Variants in C2CD2L observed in about 807,000 individuals in gnomAD.
C2CD2L encodes the protein C2CD2 like.
A neutral mutation model predicts 69.9 loss-of-function variants in C2CD2L; 24 were observed. That is an observed-to-expected ratio of 0.34 (90% CI 0.25 to 0.48). The LOEUF (loss-of-function observed/expected upper bound fraction) is 0.48, where lower values mean the gene tolerates loss of function less well. Ranked by LOEUF, C2CD2L falls within the 20% of genes least tolerant of loss-of-function variation. The probability of loss-of-function intolerance (pLI) is 0.99; values close to 1 mark genes in which losing one functional copy is unlikely to be tolerated. For synonymous variants in C2CD2L, 367 were observed against 391.0 expected, an observed-to-expected ratio of 0.94 and a Z score of 0.72; for missense variants, 811 against 941.5, an observed-to-expected ratio of 0.86 and a Z score of 1.81.
chr11:119,104,517 T>C (rs79617988), upstream of C2CD2L, among the ~76,000 whole-genome samples: 1,759 of 152,334 alleles, frequency 0.012, 44 homozygotes, highest in African/African-American at 0.041. Flanking sequence ...TTTGTTCCCA[T>C]GATGATAAAG....
rs1309990348 is a variant in C2CD2L, at chr11:119,117,411, T to A, written c.*1155T>A. 1 of 152,256 alleles carries A rather than the reference T, an allele frequency of 6.6e-6. No individual in the cohort carries two copies. The highest frequency in any genetic ancestry group is 2.4e-5 in the African/African-American group (1 of 41,446). 9.4% of individuals were successfully genotyped at this position (152,256 alleles called of 1,614,324 possible). A position where few individuals can be genotyped will look rare whatever the true frequency, so the allele number is the denominator to read the frequency against. On this transcript the variant is annotated 3_prime_UTR_variant, in exon 14 of 14. Transcript: ENST00000648610. ...TCTAGGATGTAATGGAGATCAAAGCTTGGACCCTGTAACTAGACTGCCTGC... is the reference window on the plus strand; with the variant it reads ...TCTAGGATGTAATGGAGATCAAAGCATGGACCCTGTAACTAGACTGCCTGC...
Position 119,108,048 on chromosome 11 carries a change from C to A in C2CD2L, c.307C>A (p.Gln103Lys), listed in dbSNP as rs1432691024. ...CTTCAAGTCTTTCCGGGAGAACTGG[C>A]AGCGGGCTTGGGTGCGAGCGCTGAA... is the stretch of plus-strand genomic sequence containing the variant. ...FAFKSFRENW[Q>K]RAWVRALNEQ... The change falls in exon 1 of 14, where the codon CAG becomes AAG. Residue 103 changes from glutamine to lysine, a missense_variant. Transcript: ENST00000648610. The A allele has an allele frequency of 1.9e-6, 3 of 1,599,922 alleles. No individual in the cohort carries two copies. The highest frequency in any genetic ancestry group is 2.6e-6 in the Non-Finnish European group (3 of 1,174,450).
chr11:119,110,125 G>A lies in C2CD2L; in HGVS notation c.376G>A (p.Glu126Lys). ...RNGSSIQIAF[E>K]EVPQLPPRAS... Reference sequence around the variant, plus strand: ...TCAGAGCTCCATCCAAATCGCCTTTGAGGAGGTGCCCCAACTCCCACCCAG... The same window carrying A: ...TCAGAGCTCCATCCAAATCGCCTTTAAGGAGGTGCCCCAACTCCCACCCAG... Residue 126 changes from glutamate (E) to lysine (K), a missense_variant, in exon 2 of 14, where the codon GAG becomes AAG. By Grantham distance (56) the Glu-to-Lys change is moderately conservative. Transcript: ENST00000648610. This position sits in a 1 kb window ranked among gnomAD's most constrained non-coding sequence, Gnocchi z 5.7. The A allele has an allele frequency of 6.2e-7, 1 of 1,613,714 alleles. No homozygotes were observed. The highest frequency in any genetic ancestry group is 8.5e-7 in the Non-Finnish European group (1 of 1,179,612).
chr11:119,113,758 C>T, intron 11 of C2CD2L, 46 bp downstream of exon 11: 9 of 1,612,760 alleles, frequency 5.6e-6, no homozygotes, highest in Non-Finnish European at 7.6e-6. Flanking sequence ...CCCTGGTGCC[C>T]CAGCATCAAA....
upstream of C2CD2L, among the ~76,000 whole-genome samples, chr11:119,105,623 G>A (rs1328558906): frequency 1.4e-5 from 2 of 145,508 alleles, no homozygotes; most frequent in Non-Finnish European, 3.0e-5. Flanking sequence ...CTGGGCAACA[G>A]TGACTTTCTG....
At position 119,110,497 on chromosome 11, in the gene C2CD2L, A is replaced by G; in HGVS notation, c.451-64A>G. ...GTGGGGAGGGGTCTGCTGAACTATT[A>G]CAGGGCAGTTCAAAGCAGGGTGAGC... is the stretch of plus-strand genomic sequence containing the variant. On this transcript the variant is annotated intron_variant, in intron 2 of 13. Coordinates refer to ENST00000648610, the MANE Select transcript of C2CD2L (RefSeq NM_001290474.2). This position sits in a 1 kb window ranked among gnomAD's most constrained non-coding sequence, Gnocchi z 5.7. The G allele has an allele frequency of 1.3e-6, 2 of 1,561,428 alleles. No homozygotes were observed. The highest frequency in any genetic ancestry group is 8.6e-7 in the Non-Finnish European group (1 of 1,156,772).
At chr11:119,102,627 C>G (rs1184283775), upstream of C2CD2L, among the ~76,000 whole-genome samples, 1 of 151,926 alleles carries the variant, frequency 6.6e-6, no homozygotes, top group Admixed American at 6.6e-5. Flanking sequence ...TCAGCTTGGC[C>G]GTGGATCACT....
rs1426520536 is a variant in C2CD2L, at chr11:119,113,849, T to C, written c.1490-6T>C. ...TCAGGTTATTCATTCTCTGCACCCC[T>C]AGCAGGGGACAGCCACCTTTCCAAC... On this transcript the variant is annotated splice_polypyrimidine_tract_variant and splice_region_variant and intron_variant, in intron 11 of 13. Coordinates refer to ENST00000648610, the MANE Select transcript of C2CD2L (RefSeq NM_001290474.2). 1.2e-5 allele frequency: 19 copies of C among 1,613,932 alleles called. No individual in the cohort carries two copies. The highest frequency in any genetic ancestry group is 1.4e-5 in the Non-Finnish European group (16 of 1,179,828).
At chr11:119,105,317 G>C (rs1946560725), upstream of C2CD2L, among the ~76,000 whole-genome samples, 1 of 152,200 alleles carries the variant, frequency 6.6e-6, no homozygotes, top group Non-Finnish European at 1.5e-5. Context: ...CAGAATGTAA[G>C]TGCTAGAGGT....
At chr11:119,111,022 C>T (rs747467890) in intron 4 of C2CD2L, 30 bp from the exon 5 acceptor site, 1 of 1,612,728 alleles carries the variant, frequency 6.2e-7, no homozygotes, top group South Asian at 1.1e-5. Flanking sequence ...GGGGATCCAC[C>T]TCCTTGTTGT....
chr11:119,114,563 A>C lies in C2CD2L; in HGVS notation c.1909+198A>C, dbSNP rs2134971188. 1 of 597,848 alleles carries C rather than the reference A, an allele frequency of 1.7e-6. No homozygotes were observed. Among genetic ancestry groups the C allele is most frequent in the South Asian group, 2.0e-5 (1 of 49,264 alleles). The allele number at this position is 597,848 out of a possible 1,614,324, so 37.0% of individuals were successfully genotyped here. A position where few individuals can be genotyped will look rare whatever the true frequency, so the allele number is the denominator to read the frequency against. On this transcript the variant is annotated intron_variant, in intron 13 of 13. Coordinates refer to ENST00000648610, the MANE Select transcript of C2CD2L (RefSeq NM_001290474.2). This position sits in a 1 kb window ranked among gnomAD's most constrained non-coding sequence, Gnocchi z 5.1. ...TAGATCTGACATGCTTGTGATAGGA[A>C]GGGATGCCAAATTATTTCCCTTTAC...
Position 119,110,663 on chromosome 11 carries a change from A to T in C2CD2L, c.553A>T (p.Thr185Ser). The T allele has an allele frequency of 1.2e-6, 2 of 1,613,842 alleles. No individual in the cohort carries two copies. The highest frequency in any genetic ancestry group is 1.7e-6 in the Non-Finnish European group (2 of 1,180,000). Residue 185 changes from threonine (T) to serine (S), a missense_variant, in exon 3 of 14, where the codon ACA becomes TCA. Transcript: ENST00000648610. This position sits in a 1 kb window ranked among gnomAD's most constrained non-coding sequence, Gnocchi z 5.7. ...CATGGAGACCTACCACGTCACTCTG[A>T]CACTGCCACCAACACAGGTAGAAGG... is the stretch of plus-strand genomic sequence containing the variant. ...VSMETYHVTL[T>S]LPPTQLEVNL...
chr11:119,114,167 G>C lies in C2CD2L; in HGVS notation c.1711G>C (p.Gly571Arg). ...ASVQDDAGTS[G>R]GPSSPPSDPP... ...AGTGCAGGATGATGCAGGGACCAGC[G>C]GAGGCCCCTCTTCACCTCCCTCAGA... The change falls in exon 13 of 14, where the codon GGA (glycine) becomes CGA (arginine). Residue 571 changes from glycine (G) to arginine (R), a missense_variant. Coordinates refer to ENST00000648610, the MANE Select transcript of C2CD2L (RefSeq NM_001290474.2). This position sits in a 1 kb window ranked among gnomAD's most constrained non-coding sequence, Gnocchi z 5.1. 1.2e-6 allele frequency: 2 copies of C among 1,614,112 alleles called. No homozygotes were observed. The highest frequency in any genetic ancestry group is 1.7e-6 in the Non-Finnish European group (2 of 1,180,026).
Position 119,116,935 on chromosome 11 carries a change from G to C in C2CD2L, c.*679G>C, listed in dbSNP as rs1946909765. On this transcript the variant is annotated 3_prime_UTR_variant, in exon 14 of 14. Coordinates refer to ENST00000648610, the MANE Select transcript of C2CD2L (RefSeq NM_001290474.2). ...TTCTCTGTGAGCAGTGGCTCTGTGG[G>C]AAGGAGGGAGCCGGGAGCCTGGTGG... is the stretch of plus-strand genomic sequence containing the variant. 1 of 152,954 alleles carries C rather than the reference G, an allele frequency of 6.5e-6. No individual in the cohort carries two copies. Among genetic ancestry groups the C allele is most frequent in the Non-Finnish European group, 1.5e-5 (1 of 68,256 alleles). 9.5% of individuals were successfully genotyped at this position (152,954 alleles called of 1,614,324 possible). A position where few individuals can be genotyped will look rare whatever the true frequency, so the allele number is the denominator to read the frequency against.
chr11:119,114,465 GAGAT>G lies in C2CD2L; in HGVS notation c.1909+103_1909+106del, dbSNP rs1373326805. On this transcript the variant is annotated intron_variant, in intron 13 of 13. Coordinates refer to ENST00000648610, the MANE Select transcript of C2CD2L (RefSeq NM_001290474.2). The surrounding 1 kb of genome is among the most constrained non-coding windows in gnomAD (Gnocchi z 5.1). ...GTGTGCCTTCTCCTTCCTCCCCTAA[GAGAT>G]AGCCGGATTCCCAGCCTAGTTCAGC... The G allele has an allele frequency of 8.3e-7, 1 of 1,205,548 alleles. No individual in the cohort carries two copies. Among genetic ancestry groups the G allele is most frequent in the Non-Finnish European group, 1.2e-6 (1 of 846,810 alleles). The allele number at this position is 1,205,548 out of a possible 1,614,324, so 74.7% of individuals were successfully genotyped here. A position where few individuals can be genotyped will look rare whatever the true frequency, so the allele number is the denominator to read the frequency against.
At chr11:119,108,239 G>T (rs760950569) in intron 1 of C2CD2L, 144 bp downstream of exon 1, 1 of 564,756 alleles carries the variant, frequency 1.8e-6, no homozygotes, top group Non-Finnish European at 3.1e-6. Flanking sequence ...TCAGAGAAAA[G>T]GGTGCCGCTA....
rs1946688018 is a variant in C2CD2L at position 119,109,787 on chromosome 11, T to A, written c.355-317T>A. ...TTTTTTTAGGGGGTAGGGTAGGGGA[T>A]GAAAGGGATTGCAGGGAGAAGAAGA... On this transcript the variant is annotated intron_variant, in intron 1 of 13. Transcript: ENST00000648610. This position sits in a 1 kb window ranked among gnomAD's most constrained non-coding sequence, Gnocchi z 5.1. Among the ~76,000 whole-genome samples, 1 of 152,080 alleles carries A rather than the reference T, an allele frequency of 6.6e-6. No individual in the cohort carries two copies. The highest frequency in any genetic ancestry group is 2.4e-5 in the African/African-American group (1 of 41,402).
rs966114227 is a variant in C2CD2L at position 119,114,286 on chromosome 11, G to A, written c.1830G>A (p.Glu610=). The A allele has an allele frequency of 3.7e-6, 6 of 1,614,084 alleles. No homozygotes were observed. The African/African-American group carries it at 8.0e-5, about 22-fold the overall frequency. ...ADETTRSDIS[E]RPSVDDIESE... ...AGACAACCCGTTCGGATATTTCTGA[G>A]AGGCCATCTGTGGATGATATTGAGT... is the stretch of plus-strand genomic sequence containing the variant. The change falls in exon 13 of 14, where the codon GAG becomes GAA. Residue 610 remains glutamate (E), a synonymous_variant. Transcript: ENST00000648610. This position sits in a 1 kb window ranked among gnomAD's most constrained non-coding sequence, Gnocchi z 5.1.
chr11:119,113,373 T>C, intron 10 of C2CD2L: 1 of 548,696 alleles, frequency 1.8e-6, no homozygotes, highest in Non-Finnish European at 3.1e-6. Context: ...CCCCGCTCCA[T>C]ATTTTCATAG....
Sources: gnomAD v4.1 joint callset for allele counts (sites outside exome capture counted in the v4.1 genomes callset) on GRCh38, gnomAD v4.1.1 for gene constraint, Gnocchi (gnomAD v3.1) non-coding constraint, MANE v1.5 for transcripts, NCBI Gene and HGNC (gene_info 2026-07-23, HGNC 2026-07-21) for gene names.